FTO: variants seen among roughly 807,000 people sequenced by gnomAD.
FTO encodes the protein alpha-ketoglutarate-dependent dioxygenase FTO.
In FTO, 47 loss-of-function variants were observed where a neutral mutation model predicts 63.9. That is an observed-to-expected ratio of 0.74 (90% CI 0.58 to 0.94). FTO has a LOEUF of 0.94. FTO is among the 40% of genes least tolerant of loss of function. The pLI is 0.00. For synonymous variants in FTO, 207 were observed against 224.4 expected (o/e 0.92, Z 0.69); for missense variants, 562 against 618.1 (o/e 0.91, Z 0.96).
Position 53,924,355 on chromosome 16 carries a change from G to A in FTO, c.1240-9630G>A, listed in dbSNP as rs1271581061. ...TGATTACTCTCAGCTAGCCCCCTTA[G>A]CTCAATAGTACATGATGGAAAAACA... On this transcript the variant is annotated intron_variant, in intron 7 of 8. Coordinates refer to ENST00000471389, the MANE Select transcript of FTO (RefSeq NM_001080432.3). Among the ~76,000 whole-genome samples, 4 of 152,090 alleles carry A rather than the reference G, an allele frequency of 2.6e-5. No individual in the cohort carries two copies. The East Asian group carries it at 7.7e-4, about 29-fold the overall frequency.
At chr16:53,847,680 A>G (rs761375913) in intron 4 of FTO, among the ~76,000 whole-genome samples, 53 of 151,980 alleles carry the variant, frequency 3.5e-4, no homozygotes, top group South Asian at 6.3e-4. Context: ...AGGCAGGAGA[A>G]CTACTTGAAC....
chr16:54,093,315 C>T (rs954051480), intron 8 of FTO, among the ~76,000 whole-genome samples: 7 of 152,222 alleles, frequency 4.6e-5, no homozygotes, highest in African/African-American at 9.6e-5. Context: ...TCAGCTAGCG[C>T]GGCAGAAAAC....
intron 8 of FTO, among the ~76,000 whole-genome samples, chr16:54,110,424 T>C (rs1254576464): frequency 6.6e-6 from 1 of 152,220 alleles, no homozygotes; most frequent in Non-Finnish European, 1.5e-5. Flanking sequence ...GACGCTATTA[T>C]CAGGGCCGGA....
At chr16:53,941,301 G>A (rs540669788) in intron 8 of FTO, among the ~76,000 whole-genome samples, 2 of 152,298 alleles carry the variant, frequency 1.3e-5, no homozygotes, top group East Asian at 3.9e-4. Context: ...TAATGTGGAG[G>A]TGGTAGTTAA....
intron 1 of FTO, among the ~76,000 whole-genome samples, chr16:53,741,616 A>G (rs147349028): frequency 2.8e-4 from 42 of 152,338 alleles, no homozygotes; most frequent in Non-Finnish European, 5.4e-4. Context: ...GTAGTGGTCA[A>G]GCTGCCCAAG....
At chr16:54,083,230 G>A (rs1599338006) in intron 8 of FTO, among the ~76,000 whole-genome samples, 2 of 152,178 alleles carry the variant, frequency 1.3e-5, no homozygotes, top group Admixed American at 1.3e-4. Context: ...TCTTTTCTGG[G>A]CTGCTGAGCC....
At chr16:54,021,954 T>C (rs1388275699) in intron 8 of FTO, among the ~76,000 whole-genome samples, 6 of 152,178 alleles carry the variant, frequency 3.9e-5, no homozygotes, top group Non-Finnish European at 2.9e-5. Context: ...ACAAAACATA[T>C]GGAAAAGGCA....
intron 4 of FTO, among the ~76,000 whole-genome samples, chr16:53,872,232 T>C (rs2080520423): frequency 6.6e-6 from 1 of 152,238 alleles, no homozygotes; most frequent in Non-Finnish European, 1.5e-5. Context: ...TTCCACCTGC[T>C]GCATTCTGGT....
rs115143954 is a variant in FTO, at chr16:53,941,798, G to A, written c.1364+7689G>A. 4.2e-3 allele frequency among the ~76,000 whole-genome samples: 639 copies of A among 152,306 alleles called. 2 individuals are homozygous for A. The highest frequency in any genetic ancestry group is 0.015 in the African/African-American group (613 of 41,554). On this transcript the variant is annotated intron_variant, in intron 8 of 8. Coordinates refer to ENST00000471389, the MANE Select transcript of FTO (RefSeq NM_001080432.3). ...CAGGAGGCAGAGGTTGCAGTGAGCC[G>A]ATTGCATCACTACACTCCAGCCTGG...
At chr16:53,822,454 C>T (rs780540870) in intron 2 of FTO, among the ~76,000 whole-genome samples, 5 of 152,082 alleles carry the variant, frequency 3.3e-5, no homozygotes, top group Non-Finnish European at 7.4e-5. Context: ...GGGGAAAGAA[C>T]CAGCCTTGAT....
chr16:53,935,211 G>A (rs2082361753), intron 8 of FTO, among the ~76,000 whole-genome samples: 1 of 152,158 alleles, frequency 6.6e-6, no homozygotes, highest in African/African-American at 2.4e-5. Flanking sequence ...CTTATTTGGT[G>A]CTTAAAAATT....
At chr16:53,920,767 G>A (rs2081989326) in intron 7 of FTO, among the ~76,000 whole-genome samples, 1 of 152,142 alleles carries the variant, frequency 6.6e-6, no homozygotes, top group Non-Finnish European at 1.5e-5. Flanking sequence ...AGATAATGTT[G>A]ATGGAATGGT....
intron 1 of FTO, among the ~76,000 whole-genome samples, chr16:53,787,426 T>C (rs1212157711): frequency 2.0e-5 from 3 of 151,934 alleles, no homozygotes; most frequent in African/African-American, 7.3e-5. Context: ...GGTCACTTGC[T>C]ACCACTCATT....
intron 7 of FTO, among the ~76,000 whole-genome samples, chr16:53,924,778 C>T (rs567619744): frequency 1.3e-5 from 2 of 152,278 alleles, no homozygotes; most frequent in East Asian, 3.9e-4. Flanking sequence ...TTGGCACCCC[C>T]AAAACCTCCT....
At chr16:53,959,438 A>G (rs1001074875) in intron 8 of FTO, among the ~76,000 whole-genome samples, 51 of 152,262 alleles carry the variant, frequency 3.3e-4, no homozygotes, top group African/African-American at 1.2e-3. Flanking sequence ...AAAACAAGGA[A>G]AAGTGGAACA....
rs570257815 is a variant in FTO, at chr16:53,935,177, G to A, written c.1364+1068G>A. Among the ~76,000 whole-genome samples, 3 of 152,262 alleles carry A rather than the reference G, an allele frequency of 2.0e-5. No homozygotes were observed. The South Asian group carries it at 6.2e-4, about 32-fold the overall frequency. ...GCCAGAGGGAGAGGAATCAGGAAGC[G>A]TATGGCATATTTTGTCTCAGAGTCT... On this transcript the variant is annotated intron_variant, in intron 8 of 8. Coordinates refer to ENST00000471389, the MANE Select transcript of FTO (RefSeq NM_001080432.3).
intron 1 of FTO, among the ~76,000 whole-genome samples, chr16:53,744,789 G>A (rs1159355661): frequency 6.6e-6 from 1 of 151,028 alleles, no homozygotes; most frequent in Non-Finnish European, 1.5e-5. Flanking sequence ...AATTAAATTT[G>A]CATCTGCTCT....
intron 8 of FTO, among the ~76,000 whole-genome samples, chr16:53,949,261 G>C (rs2082717522): frequency 1.3e-5 from 2 of 152,220 alleles, no homozygotes; most frequent in Admixed American, 1.3e-4. Flanking sequence ...TAGAAGTGAA[G>C]CTTGAACAAA....
intron 4 of FTO, among the ~76,000 whole-genome samples, chr16:53,852,231 G>A (rs1026417521): frequency 9.3e-5 from 14 of 151,342 alleles, no homozygotes; most frequent in African/African-American, 2.9e-4. Context: ...AACTGTGATC[G>A]CGCCACTGCA....
Sources: allele counts gnomAD v4.1 joint callset (sites outside exome capture counted in the v4.1 genomes callset), GRCh38; gene constraint gnomAD v4.1.1; transcripts MANE v1.5; gene names NCBI Gene and HGNC (gene_info 2026-07-23, HGNC 2026-07-21).